DOCK10: variants seen among roughly 807,000 people sequenced by gnomAD.
DOCK10 encodes the protein dedicator of cytokinesis 10, also known as dedicator of cytokinesis protein 10.
DOCK10 carries 145 observed loss-of-function variants against 280.1 expected under a neutral mutation model. That is an observed-to-expected ratio of 0.52 (90% CI 0.45 to 0.59). DOCK10 has a LOEUF of 0.59. Ranked by LOEUF, DOCK10 falls within the 20% of genes least tolerant of loss-of-function variation. DOCK10 has a pLI of 0.00. For missense variants in DOCK10, 2,368 were observed against 2,651.7 expected, an observed-to-expected ratio of 0.89 and a Z score of 2.35; for synonymous variants, 915 against 942.2, an observed-to-expected ratio of 0.97 and a Z score of 0.53.
intron 1 of DOCK10, among the ~76,000 whole-genome samples, chr2:224,950,753 A>G (rs1703685059): frequency 6.6e-6 from 1 of 152,244 alleles, no homozygotes; most frequent in South Asian, 2.1e-4. Context: ...GGAGACGTGG[A>G]GCAGAAAGTC....
At chr2:224,989,942 T>C (rs2126268434) in intron 1 of DOCK10, among the ~76,000 whole-genome samples, 1 of 152,336 alleles carries the variant, frequency 6.6e-6, no homozygotes, top group African/African-American at 2.4e-5. Context: ...TCATTTTCAC[T>C]TAATTATAGT....
intron 55 of DOCK10, among the ~76,000 whole-genome samples, chr2:224,768,622 T>C (rs1690212982): frequency 6.6e-6 from 1 of 152,220 alleles, no homozygotes; most frequent in South Asian, 2.1e-4. Flanking sequence ...ACAAATCAGC[T>C]CAAATATACT....
chr2:224,964,831 A>G (rs1184236058), intron 1 of DOCK10, among the ~76,000 whole-genome samples: 1 of 152,214 alleles, frequency 6.6e-6, no homozygotes, highest in Admixed American at 6.5e-5. Context: ...AAAGGGGAGA[A>G]CAGCCCGGCT....
At position 224,852,947 on chromosome 2, in the gene DOCK10, T is replaced by C; in HGVS notation, c.2064A>G (p.Lys688=). 1.3e-6 allele frequency: 2 copies of C among 1,596,298 alleles called. No homozygotes were observed. Among genetic ancestry groups the C allele is most frequent in the Admixed American group, 1.7e-5 (1 of 58,890 alleles). Residue 688 remains lysine (K), a synonymous_variant, in exon 17 of 56, where the codon AAA becomes AAG. Transcript: ENST00000258390. The part of the protein sequence containing the change: ...YPKHLKYDSQ[K]CFNKARNITV... Reference sequence around the variant, plus strand: ...ACTTATATCATACCTTGTTGAAGCATTTCTGGCTATCATACTTGAGGTGTT... The same window carrying C: ...ACTTATATCATACCTTGTTGAAGCACTTCTGGCTATCATACTTGAGGTGTT...
At chr2:225,018,954 T>C (rs1689708111) in intron 1 of DOCK10, among the ~76,000 whole-genome samples, 1 of 150,518 alleles carries the variant, frequency 6.6e-6, no homozygotes, top group Non-Finnish European at 1.5e-5. Context: ...TATGTATATA[T>C]GTGTATATAT....
intron 1 of DOCK10, among the ~76,000 whole-genome samples, chr2:224,978,773 T>C (rs1340492160): frequency 6.6e-6 from 1 of 152,204 alleles, no homozygotes; most frequent in Non-Finnish European, 1.5e-5. Flanking sequence ...CAGACATATA[T>C]GCAACTTCCT....
intron 7 of DOCK10, among the ~76,000 whole-genome samples, chr2:224,878,678 A>G (rs933727508): frequency 1.3e-5 from 2 of 152,262 alleles, no homozygotes; most frequent in East Asian, 1.9e-4. Context: ...AATGCTAACT[A>G]TGGTTCTCAT....
intron 1 of DOCK10, among the ~76,000 whole-genome samples, chr2:224,934,273 T>C (rs1288994863): frequency 1.3e-5 from 2 of 152,186 alleles, no homozygotes; most frequent in African/African-American, 4.8e-5. Flanking sequence ...CTTTCCTGTT[T>C]AGAATATTGC....
At chr2:224,888,078 G>A (rs1699412412) in intron 4 of DOCK10, among the ~76,000 whole-genome samples, 1 of 152,128 alleles carries the variant, frequency 6.6e-6, no homozygotes. Flanking sequence ...ATTTGAAGGA[G>A]ATAAAGTCGC....
intron 33 of DOCK10, among the ~76,000 whole-genome samples, chr2:224,806,982 C>T (rs888235936): frequency 6.6e-6 from 1 of 152,020 alleles, no homozygotes; most frequent in African/African-American, 2.4e-5. Flanking sequence ...CAATTTAATC[C>T]TCATAAAGAC....
At chr2:224,991,216 A>T (rs1706119752) in intron 1 of DOCK10, among the ~76,000 whole-genome samples, 1 of 152,192 alleles carries the variant, frequency 6.6e-6, no homozygotes, top group South Asian at 2.1e-4. Flanking sequence ...TAGGGAAGGA[A>T]TGAGGGTGAA....
In DOCK10 at chr2:224,823,627, A is replaced by C; in HGVS notation, c.3057T>G (p.Phe1019Leu). ...NKIQLPRPQRFPESYQNELDN... is the reference protein window; with the variant it reads ...NKIQLPRPQRLPESYQNELDN... ...CCAATTCATTTTGGTAAGATTCAGGAAATCTCTGAGGCCGGGGAAGCTAAG... is the reference window on the plus strand; with the variant it reads ...CCAATTCATTTTGGTAAGATTCAGGCAATCTCTGAGGCCGGGGAAGCTAAG... Residue 1019 changes from phenylalanine (F) to leucine (L), a missense_variant, in exon 28 of 56, where the codon TTT (phenylalanine) becomes TTG (leucine). Phe to Leu is a conservative substitution (Grantham distance 22). Transcript: ENST00000258390. 2 of 1,601,304 alleles carry C rather than the reference A, an allele frequency of 1.2e-6. No homozygotes were observed. Among genetic ancestry groups the C allele is most frequent in the Non-Finnish European group, 1.7e-6 (2 of 1,175,894 alleles).
Position 224,845,562 on chromosome 2 carries a change from A to T in DOCK10, c.2316T>A (p.Asn772Lys), listed in dbSNP as rs1386271238. ...FSFYHVTCDI[N>K]AKANAKKKEA... is the part of the protein sequence containing the mutation. ...CCTTCTTTTTGGCATTAGCTTTTGC[A>T]TTGATGTCACAGGTGACGTGATAAA... Residue 772 changes from asparagine to lysine, a missense_variant, in exon 20 of 56, where the codon AAT becomes AAA. This residue lies in a region of DOCK10 where 1,209 missense variants were observed against 1,250.9 expected (regional missense o/e 0.97). Coordinates refer to ENST00000258390, the MANE Select transcript of DOCK10 (RefSeq NM_014689.3). 6.2e-7 allele frequency: 1 copy of T among 1,613,406 alleles called. No individual in the cohort carries two copies. The highest frequency in any genetic ancestry group is 1.3e-5 in the African/African-American group (1 of 74,896).
At chr2:224,946,396 C>T (rs971270060) in intron 1 of DOCK10, among the ~76,000 whole-genome samples, 2 of 152,026 alleles carry the variant, frequency 1.3e-5, no homozygotes, top group Non-Finnish European at 2.9e-5. Context: ...TTTTGGATTG[C>T]TCTTTCTAAG....
intron 29 of DOCK10, among the ~76,000 whole-genome samples, chr2:224,818,232 G>C (rs1459596292): frequency 6.6e-6 from 1 of 152,224 alleles, no homozygotes; most frequent in Non-Finnish European, 1.5e-5. Flanking sequence ...AATGAGAACA[G>C]AGCTATGTAA....
chr2:225,027,627 C>G (rs1439650588), intron 1 of DOCK10, among the ~76,000 whole-genome samples: 3 of 152,110 alleles, frequency 2.0e-5, no homozygotes, highest in Non-Finnish European at 4.4e-5. Context: ...CTCTCCTTCT[C>G]CTGCTCCTGC....
intron 1 of DOCK10, among the ~76,000 whole-genome samples, chr2:225,023,305 G>T (rs1011543632): frequency 1.3e-5 from 2 of 152,032 alleles, no homozygotes; most frequent in African/African-American, 4.8e-5. Context: ...CAAATTGCTG[G>T]GATTACAGGT....
At chr2:224,927,802 C>A (rs984442918) in intron 2 of DOCK10, among the ~76,000 whole-genome samples, 3 of 152,046 alleles carry the variant, frequency 2.0e-5, no homozygotes, top group Non-Finnish European at 4.4e-5. Context: ...ATTAAACAAA[C>A]CGAGTAATGA....
chr2:224,802,929 G>GA (rs558200609), intron 39 of DOCK10, among the ~76,000 whole-genome samples: 70 of 152,220 alleles, frequency 4.6e-4, no homozygotes, highest in Middle Eastern at 3.4e-3. Context: ...AGAAAACCTG[G>GA]ATGGGTGGAG....
Sources: allele counts gnomAD v4.1 joint callset (sites outside exome capture counted in the v4.1 genomes callset), GRCh38; gene constraint gnomAD v4.1.1; regional missense constraint gnomAD v4.1.1; transcripts MANE v1.5; gene names NCBI Gene and HGNC (gene_info 2026-07-23, HGNC 2026-07-21).